ADAM17: variants seen among roughly 807,000 people sequenced by gnomAD.
The protein encoded by ADAM17 is disintegrin and metalloproteinase domain-containing protein 17.
A neutral mutation model predicts 96.7 loss-of-function variants in ADAM17; 39 were observed. That is an observed-to-expected ratio of 0.40 (90% CI 0.31 to 0.53). The LOEUF (loss-of-function observed/expected upper bound fraction) is 0.53. ADAM17 is among the 20% of genes least tolerant of loss of function. ADAM17 has a pLI of 0.44. For synonymous variants in ADAM17, 344 were observed against 359.2 expected (o/e 0.96, Z 0.48); for missense variants, 777 against 1,013.2 (o/e 0.77, Z 3.17).
rs554273626 is a variant in ADAM17 at position 9,498,724 on chromosome 2, T to G, written c.1649-1476A>C. Among the ~76,000 whole-genome samples the G allele has an allele frequency of 4.6e-5, 7 of 152,344 alleles. No homozygotes were observed. In the East Asian group the frequency reaches 1.3e-3, roughly 29 times the overall value. ...CAACAGTCATTTAACAAACTATTAC[T>G]GAAAGTATGATGTCCAGTGAGCTCA... is the stretch of plus-strand genomic sequence containing the variant. On this transcript the variant is annotated intron_variant, in intron 13 of 18. Transcript: ENST00000310823.
chr2:9,522,996 G>A (rs1471145137), intron 7 of ADAM17, among the ~76,000 whole-genome samples: 1 of 152,140 alleles, frequency 6.6e-6, no homozygotes, highest in Non-Finnish European at 1.5e-5. Context: ...TAAAGGCCAT[G>A]AATTCAAAGA....
intron 12 of ADAM17, among the ~76,000 whole-genome samples, chr2:9,503,207 A>G (rs1663134589): frequency 6.6e-6 from 1 of 151,810 alleles, no homozygotes; most frequent in Non-Finnish European, 1.5e-5. Flanking sequence ...CATAGCTAAG[A>G]CACTCGGCAG....
intron 4 of ADAM17, among the ~76,000 whole-genome samples, chr2:9,533,609 C>T (rs896588307): frequency 6.6e-6 from 1 of 152,194 alleles, no homozygotes; most frequent in Non-Finnish European, 1.5e-5. Flanking sequence ...GCAGCAAAAA[C>T]AATGCTGTGC....
chr2:9,549,112 C>T (rs1314790660), intron 1 of ADAM17, among the ~76,000 whole-genome samples: 1 of 152,204 alleles, frequency 6.6e-6, no homozygotes, highest in South Asian at 2.1e-4. Flanking sequence ...GTGGCTCACA[C>T]CTGTAATCCC....
chr2:9,513,555 T>C (rs1312498593), intron 10 of ADAM17, among the ~76,000 whole-genome samples: 3 of 151,962 alleles, frequency 2.0e-5, no homozygotes, highest in Non-Finnish European at 2.9e-5. Flanking sequence ...TTGAATTGAA[T>C]TGGAGGACAC....
In ADAM17 at chr2:9,490,283, T is replaced by C. The variant is rs1191811866; in HGVS notation, c.2369A>G (p.Lys790Arg). ...ATGGTCCGTGAGATCCTCAAATGAC[T>C]TGGCAGCTGTGCTGCTATTTGGGAA... ...DPFPNSSTAA[K>R]SFEDLTDHPV... The change falls in exon 19 of 19, where the codon AAG (lysine) becomes AGG (arginine). Residue 790 changes from lysine to arginine, a missense_variant. By Grantham distance (26) the Lys-to-Arg change is conservative. Transcript: ENST00000310823. The C allele has an allele frequency of 1.2e-6, 2 of 1,614,082 alleles. No individual in the cohort carries two copies. Among genetic ancestry groups the C allele is most frequent in the African/African-American group, 1.3e-5 (1 of 74,936 alleles).
chr2:9,503,165 A>G (rs1213934371), intron 12 of ADAM17, among the ~76,000 whole-genome samples: 3 of 151,746 alleles, frequency 2.0e-5, no homozygotes, highest in Admixed American at 6.6e-5. Flanking sequence ...CAAGGAAAAA[A>G]AAAAAAGACA....
rs1241878886 is a variant in ADAM17 at position 9,543,298 on chromosome 2, T to A, written c.98-13A>T. ...GAATCAAGCTTCTCTGAAATAAAGG[T>A]AAAAAAGGTATTAGCATCTAAACCT... is the stretch of plus-strand genomic sequence containing the variant. On this transcript the variant is annotated splice_polypyrimidine_tract_variant and intron_variant, in intron 1 of 18. Coordinates refer to ENST00000310823, the MANE Select transcript of ADAM17 (RefSeq NM_003183.6). 1 of 1,574,160 alleles carries A rather than the reference T, an allele frequency of 6.4e-7. No individual in the cohort carries two copies. The highest frequency in any genetic ancestry group is 2.0e-5 in the Admixed American group (1 of 51,212).
intron 15 of ADAM17, 119 bp downstream of exon 15, chr2:9,494,518 G>T: frequency 1.7e-6 from 2 of 1,182,876 alleles, no homozygotes; most frequent in Non-Finnish European, 2.4e-6. Flanking sequence ...GATAACAATG[G>T]GCCAGAAGGA....
intron 14 of ADAM17, among the ~76,000 whole-genome samples, chr2:9,495,147 C>T (rs907871576): frequency 2.6e-5 from 4 of 152,232 alleles, no homozygotes; most frequent in Admixed American, 6.5e-5. Context: ...AAGTGTGCCC[C>T]TCAGGGCCCA....
chr2:9,525,859 C>T (rs1664503424), intron 6 of ADAM17, among the ~76,000 whole-genome samples: 1 of 152,200 alleles, frequency 6.6e-6, no homozygotes, highest in South Asian at 2.1e-4. Flanking sequence ...GGAAGGACTA[C>T]ATTATAACCT....
chr2:9,546,849 A>G (rs1665420579), intron 1 of ADAM17, among the ~76,000 whole-genome samples: 1 of 151,892 alleles, frequency 6.6e-6, no homozygotes, highest in Non-Finnish European at 1.5e-5. Context: ...AGCTGGGACT[A>G]CAGGTGCACA....
In ADAM17 at chr2:9,555,765, C is replaced by T; in HGVS notation, c.-160G>A. ...CTACTGGGAAGATTCTACCGCCAGG[C>T]TCGACGCCCCCAGAAGTGCAGGTGG... On this transcript the variant is annotated 5_prime_UTR_variant, in exon 1 of 19. Coordinates refer to ENST00000310823, the MANE Select transcript of ADAM17 (RefSeq NM_003183.6). 1.8e-6 allele frequency: 1 copy of T among 555,590 alleles called. No individual in the cohort carries two copies. Among genetic ancestry groups the T allele is most frequent in the Non-Finnish European group, 2.9e-6 (1 of 340,970 alleles). The allele number at this position is 555,590 out of a possible 1,614,324, so 34.4% of individuals were successfully genotyped here.
intron 10 of ADAM17, among the ~76,000 whole-genome samples, chr2:9,514,538 T>TATATATATATAC (rs1663942607): frequency 3.8e-5 from 1 of 26,444 alleles, no homozygotes; most frequent in Non-Finnish European, 8.0e-5. Context: ...TATATATATA[T>TATATATATATAC]ATATATATAT....
intron 10 of ADAM17, among the ~76,000 whole-genome samples, chr2:9,513,511 G>A (rs959895605): frequency 3.0e-4 from 46 of 152,126 alleles, no homozygotes; most frequent in African/African-American, 1.1e-3. Flanking sequence ...CCCTCAAACT[G>A]TGAGATCTGA....
At chr2:9,543,403 G>T in intron 1 of ADAM17, 118 bp from the exon 2 acceptor site, 1 of 895,350 alleles carries the variant, frequency 1.1e-6, no homozygotes, top group Non-Finnish European at 1.5e-6. Flanking sequence ...GAAGTGCCAA[G>T]CACAAACTAT....
chr2:9,546,044 G>A (rs1051223539), intron 1 of ADAM17, among the ~76,000 whole-genome samples: 1 of 149,648 alleles, frequency 6.7e-6, no homozygotes, highest in African/African-American at 2.5e-5. Context: ...GCTGCAGTAA[G>A]CCAAGATAGC....
rs1022274751 is a variant in ADAM17 at position 9,504,399 on chromosome 2, C to T, written c.1544+767G>A. ...GGCGGAGATTGCAGTGCGCTGAGAT[C>T]GCGCCACTGCACTCCAGCCTGGCAA... On this transcript the variant is annotated intron_variant, in intron 12 of 18. Coordinates refer to ENST00000310823, the MANE Select transcript of ADAM17 (RefSeq NM_003183.6). Among the ~76,000 whole-genome samples, 8 of 151,938 alleles carry T rather than the reference C, an allele frequency of 5.3e-5. No individual in the cohort carries two copies. In the South Asian group the frequency reaches 1.5e-3, roughly 28 times the overall value.
At chr2:9,555,388 T>C in intron 1 of ADAM17, 121 bp downstream of exon 1, 2 of 797,290 alleles carry the variant, frequency 2.5e-6, no homozygotes, top group Non-Finnish European at 3.8e-6. Flanking sequence ...ACTGAAAACT[T>C]AGGGACGCGC....
Sources: allele counts gnomAD v4.1 joint callset (sites outside exome capture counted in the v4.1 genomes callset), GRCh38; gene constraint gnomAD v4.1.1; transcripts MANE v1.5; gene names NCBI Gene and HGNC (gene_info 2026-07-23, HGNC 2026-07-21).